Variants in SULT1C2 observed in about 807,000 individuals in gnomAD.
The protein encoded by SULT1C2 is sulfotransferase 1C2.
A neutral mutation model predicts 36.0 loss-of-function variants in SULT1C2; 27 were observed. The observed-to-expected ratio is 0.75, with a 90% confidence interval of 0.55 to 1.03. SULT1C2 has a LOEUF of 1.03. SULT1C2 is among the 50% of genes least tolerant of loss of function. The pLI, the probability that SULT1C2 is intolerant of heterozygous loss-of-function variation, is 0.00. For missense variants in SULT1C2, 395 were observed against 359.2 expected (o/e 1.10, Z -0.80); for synonymous variants, 121 against 116.0 (o/e 1.04, Z -0.27).
intron 2 of SULT1C2, 57 bp downstream of exon 2, chr2:108,293,875 C>T (rs1676658146): frequency 5.7e-6 from 9 of 1,573,092 alleles, no homozygotes; most frequent in Non-Finnish European, 7.8e-6. Flanking sequence ...AGGCTCATCA[C>T]TTAAGTTAGA....
chr2:108,297,952 A>G (rs1231512135), intron 3 of SULT1C2, among the ~76,000 whole-genome samples: 1 of 152,200 alleles, frequency 6.6e-6, no homozygotes, highest in African/African-American at 2.4e-5. Flanking sequence ...GACTGAGTAC[A>G]GATTTCCCAA....
At position 108,309,845 on chromosome 2, in the gene SULT1C2, A is replaced by C. The variant is rs1310217255; in HGVS notation, c.*1381A>C. 6.6e-6 allele frequency: 1 copy of C among 152,226 alleles called. No homozygotes were observed. Among genetic ancestry groups the C allele is most frequent in the Admixed American group, 6.5e-5 (1 of 15,284 alleles). 9.4% of individuals were successfully genotyped at this position (152,226 alleles called of 1,614,324 possible). The stretch of plus-strand genomic sequence containing the variant: ...ATAGCTAGGTTACCACTGAGTTTTA[A>C]CTATATGTATATGAGCTTCAAATAA... On this transcript the variant is annotated 3_prime_UTR_variant, in exon 8 of 8. Transcript: ENST00000251481.
intron 1 of SULT1C2, among the ~76,000 whole-genome samples, chr2:108,293,188 A>G (rs1676636966): frequency 6.6e-6 from 1 of 151,488 alleles, no homozygotes; most frequent in Non-Finnish European, 1.5e-5. Context: ...TCAAAAAAAA[A>G]AAAAAAAAAA....
intron 3 of SULT1C2, among the ~76,000 whole-genome samples, chr2:108,296,395 TCTGCCCAGCCACAGACAG>T (rs2104415443): frequency 6.9e-6 from 1 of 144,028 alleles, no homozygotes; most frequent in South Asian, 2.2e-4. Flanking sequence ...GGCTTTATGA[TCTGCCCAGCCACAGACAG>T]CTGAATGCTG....
intron 3 of SULT1C2, chr2:108,299,201 G>A (rs1676813077): frequency 6.6e-6 from 1 of 152,256 alleles, no homozygotes; most frequent in African/African-American, 2.4e-5. Flanking sequence ...TGGGTGTCCA[G>A]AGGGTGAACC....
Position 108,293,824 on chromosome 2 carries a change from T to C in SULT1C2, c.151+6T>C. 6.2e-7 allele frequency: 1 copy of C among 1,613,416 alleles called. No homozygotes were observed. Among genetic ancestry groups the C allele is most frequent in the Non-Finnish European group, 8.5e-7 (1 of 1,179,770 alleles). ...CTGCACCTACCCTAAAGCAGGTGAT[T>C]GCAGGGTAGGAGGGACAGCAAAGAC... On this transcript the variant is annotated splice_donor_region_variant and intron_variant, in intron 2 of 7. Transcript: ENST00000251481.
Position 108,305,435 on chromosome 2 carries a change from G to A in SULT1C2, c.618G>A (p.Arg206=). Residue 206 remains arginine (R), a synonymous_variant, in exon 7 of 8, where the codon CGG becomes CGA. Transcript: ENST00000251481. ...CGCAGGACCCAAAGCATGAAATTCG[G>A]AAGGTGATGCAGTTCATGGGAAAGA... ...DIKRDPKHEI[R]KVMQFMGKKV... is the part of the protein sequence containing the mutation. 1.2e-6 allele frequency: 2 copies of A among 1,614,096 alleles called. No individual in the cohort carries two copies. Among genetic ancestry groups the A allele is most frequent in the East Asian group, 4.5e-5 (2 of 44,878 alleles).
chr2:108,305,116 CAGA>C, intron 5 of SULT1C2, 53 bp from the exon 6 acceptor site: 2 of 1,596,406 alleles, frequency 1.3e-6, no homozygotes, highest in African/African-American at 2.7e-5. Flanking sequence ...CCCTAATACT[CAGA>C]AGGTTTTGTG....
chr2:108,303,300 A>G (rs1676937481), intron 4 of SULT1C2: 4 of 152,864 alleles, frequency 2.6e-5, no homozygotes, highest in Admixed American at 2.6e-4. Context: ...AACAGGAGGC[A>G]TGGCATGTCA....
intron 7 of SULT1C2, among the ~76,000 whole-genome samples, chr2:108,306,300 A>G (rs1677023445): frequency 6.6e-6 from 1 of 152,160 alleles, no homozygotes; most frequent in Non-Finnish European, 1.5e-5. Flanking sequence ...AAAGCAAAAC[A>G]TGTCATTGTT....
At chr2:108,301,133 A>T in intron 4 of SULT1C2, 198 bp downstream of exon 4, 1 of 651,774 alleles carries the variant, frequency 1.5e-6, no homozygotes. Context: ...TGAAGGCAGG[A>T]TCCAGATTGA....
At chr2:108,298,464 C>G (rs1676793047) in intron 3 of SULT1C2, 2 of 201,456 alleles carry the variant, frequency 9.9e-6, no homozygotes, top group South Asian at 1.2e-4. Flanking sequence ...GCCTCAATCT[C>G]TCGAGCTCAA....
At chr2:108,294,095 G>A in intron 2 of SULT1C2, 134 bp from the exon 3 acceptor site, 1 of 1,487,916 alleles carries the variant, frequency 6.7e-7, no homozygotes, top group Non-Finnish European at 9.0e-7. Flanking sequence ...TATCACTCAT[G>A]GCAAACAGGA....
chr2:108,292,805 TC>T (rs1294607347), intron 1 of SULT1C2, among the ~76,000 whole-genome samples: 1 of 152,146 alleles, frequency 6.6e-6, no homozygotes, highest in Non-Finnish European at 1.5e-5. Flanking sequence ...AAGCAATAAT[TC>T]AAAGAGATAT....
At position 108,308,924 on chromosome 2, in the gene SULT1C2, G is replaced by A. The variant is rs1193266841; in HGVS notation, c.*460G>A. On this transcript the variant is annotated 3_prime_UTR_variant, in exon 8 of 8. Transcript: ENST00000251481. ...AGTTCTGTCTGGTCACTATCAGAAG[G>A]AACACTTTGAGGGAAACCCTGGTGC... 6.5e-6 allele frequency: 1 copy of A among 153,536 alleles called. No homozygotes were observed. The highest frequency in any genetic ancestry group is 1.9e-4 in the East Asian group (1 of 5,218). 9.5% of individuals were successfully genotyped at this position (153,536 alleles called of 1,614,324 possible).
chr2:108,293,909 T>C (rs1234594609), intron 2 of SULT1C2, 91 bp downstream of exon 2: 1 of 1,514,994 alleles, frequency 6.6e-7, no homozygotes, highest in Non-Finnish European at 8.8e-7. Flanking sequence ...GGAAACCTGC[T>C]CCTTCTTATT....
chr2:108,292,210 C>T (rs1676609155), intron 1 of SULT1C2, among the ~76,000 whole-genome samples: 1 of 152,154 alleles, frequency 6.6e-6, no homozygotes, highest in Non-Finnish European at 1.5e-5. Flanking sequence ...AAGGCCTCAG[C>T]CCAGCGTTGG....
chr2:108,301,032 C>A, intron 4 of SULT1C2, 97 bp downstream of exon 4: 1 of 1,470,998 alleles, frequency 6.8e-7, no homozygotes, highest in Non-Finnish European at 9.3e-7. Flanking sequence ...TCACCTTTGC[C>A]TCTCCACTGT....
chr2:108,309,087 G>T lies in SULT1C2; in HGVS notation c.*623G>T, dbSNP rs2104427242. The T allele has an allele frequency of 6.6e-6, 1 of 152,390 alleles. No homozygotes were observed. Among genetic ancestry groups the T allele is most frequent in the Admixed American group, 6.5e-5 (1 of 15,308 alleles). The allele number at this position is 152,390 out of a possible 1,614,324, so 9.4% of individuals were successfully genotyped here. A position where few individuals can be genotyped will look rare whatever the true frequency, so the allele number is the denominator to read the frequency against. Reference sequence around the variant, plus strand: ...AGGTCATATAGGAAACAGAAAGCATGACAGTGGCCTTTTGGGAACCCAAGT... The same window carrying T: ...AGGTCATATAGGAAACAGAAAGCATTACAGTGGCCTTTTGGGAACCCAAGT... On this transcript the variant is annotated 3_prime_UTR_variant, in exon 8 of 8. Coordinates refer to ENST00000251481, the MANE Select transcript of SULT1C2 (RefSeq NM_001056.4).
Sources: allele counts gnomAD v4.1 joint callset (sites outside exome capture counted in the v4.1 genomes callset), GRCh38; gene constraint gnomAD v4.1.1; transcripts MANE v1.5; gene names NCBI Gene and HGNC (gene_info 2026-07-23, HGNC 2026-07-21).